Variants in NAXD observed in about 807,000 individuals in gnomAD.
NAXD encodes the protein ATP-dependent (S)-NAD(P)H-hydrate dehydratase.
A neutral mutation model predicts 35.8 loss-of-function variants in NAXD; 22 were observed. The observed-to-expected ratio is 0.62, with a 90% confidence interval of 0.44 to 0.88. NAXD has a LOEUF of 0.88. Among genes scored for constraint, NAXD ranks in the 40% least tolerant of loss-of-function variants. The pLI, the probability that NAXD is intolerant of heterozygous loss-of-function variation, is 0.00. For synonymous variants in NAXD, 189 were observed against 177.6 expected (o/e 1.06, Z -0.51); for missense variants, 428 against 437.7 (o/e 0.98, Z 0.20).
intron 1 of NAXD, among the ~76,000 whole-genome samples, chr13:110,619,693 C>T (rs181446075): frequency 1.3e-5 from 2 of 152,252 alleles, no homozygotes; most frequent in Admixed American, 6.5e-5. Flanking sequence ...CCACTGGGTG[C>T]GTGTACATGC....
intron 5 of NAXD, among the ~76,000 whole-genome samples, chr13:110,633,249 C>T (rs1886787135): frequency 6.6e-6 from 1 of 152,188 alleles, no homozygotes; most frequent in Non-Finnish European, 1.5e-5. Context: ...GGACCCAGTA[C>T]ACCCTCTGCA....
chr13:110,629,102 T>C (rs1330949803), intron 5 of NAXD, among the ~76,000 whole-genome samples: 1 of 152,144 alleles, frequency 6.6e-6, no homozygotes, highest in Non-Finnish European at 1.5e-5. Context: ...TTCCAGCTCG[T>C]GTCTGGTGCG....
In NAXD at chr13:110,638,721, G is replaced by A. The variant is rs1257980189; in HGVS notation, c.*193G>A. On this transcript the variant is annotated 3_prime_UTR_variant, in exon 10 of 10. Coordinates refer to ENST00000680254, the MANE Select transcript of NAXD (RefSeq NM_001242882.2). The surrounding 1 kb of genome is among the most constrained non-coding windows in gnomAD (Gnocchi z 5.4). ...TTTTGGTTAAACTTAATGCATGGTT[G>A]GAGATGTTATGGCGACACTAAACAA... 2.7e-6 allele frequency: 2 copies of A among 729,974 alleles called. No individual in the cohort carries two copies. The highest frequency in any genetic ancestry group is 1.7e-5 in the African/African-American group (1 of 57,816). The allele number at this position is 729,974 out of a possible 1,614,324, so 45.2% of individuals were successfully genotyped here.
At chr13:110,629,100 C>T (rs773420594) in intron 5 of NAXD, among the ~76,000 whole-genome samples, 2 of 152,268 alleles carry the variant, frequency 1.3e-5, no homozygotes, top group East Asian at 1.9e-4. Context: ...GCTTCCAGCT[C>T]GTGTCTGGTG....
In NAXD at chr13:110,638,805, A is replaced by G; in HGVS notation, c.*277A>G. The G allele has an allele frequency of 1.7e-6, 1 of 595,810 alleles. No homozygotes were observed. The highest frequency in any genetic ancestry group is 3.1e-6 in the Non-Finnish European group (1 of 323,424). 36.9% of individuals were successfully genotyped at this position (595,810 alleles called of 1,614,324 possible). ...TAACTGGGAAGACAGAAATGAAGAA[A>G]ATCACATGAGAATGAAGAATTCTTT... is the stretch of plus-strand genomic sequence containing the variant. On this transcript the variant is annotated 3_prime_UTR_variant, in exon 10 of 10. Transcript: ENST00000680254. The surrounding 1 kb of genome is among the most constrained non-coding windows in gnomAD (Gnocchi z 5.4).
chr13:110,622,490 C>T, intron 2 of NAXD, 124 bp downstream of exon 2: 2 of 926,044 alleles, frequency 2.2e-6, no homozygotes, highest in South Asian at 3.6e-5. Context: ...CCTGATAGGA[C>T]ACTCAGTATT....
intron 2 of NAXD, among the ~76,000 whole-genome samples, chr13:110,622,741 C>T (rs1328219549): frequency 2.0e-5 from 3 of 152,206 alleles, no homozygotes; most frequent in Non-Finnish European, 4.4e-5. Context: ...TACTGAAAGT[C>T]ATTTATGAAA....
intron 5 of NAXD, among the ~76,000 whole-genome samples, chr13:110,633,978 G>C (rs1439461899): frequency 1.3e-5 from 2 of 152,198 alleles, no homozygotes; most frequent in Non-Finnish European, 2.9e-5. Context: ...CCTTGCTGGG[G>C]CGGGGGCTGT....
At chr13:110,616,180 TA>T in intron 1 of NAXD, 1 of 189,354 alleles carries the variant, frequency 5.3e-6, no homozygotes, top group Non-Finnish European at 1.1e-5. Context: ...CGGAGCTGGA[TA>T]CGGGGGCCCT....
At chr13:110,627,376 T>C in intron 4 of NAXD, 63 bp from the exon 5 acceptor site, 1 of 1,011,802 alleles carries the variant, frequency 9.9e-7, no homozygotes, top group Non-Finnish European at 1.5e-6. Context: ...TGTAAACAAA[T>C]ACATGACAGT....
intron 9 of NAXD, chr13:110,637,902 T>G: frequency 2.0e-6 from 1 of 494,058 alleles, no homozygotes; most frequent in Non-Finnish European, 4.0e-6. Flanking sequence ...TCCACATGAA[T>G]TTGAGAGCCG....
intron 5 of NAXD, among the ~76,000 whole-genome samples, chr13:110,632,644 C>G (rs1428928591): frequency 6.6e-6 from 1 of 152,086 alleles, no homozygotes; most frequent in Non-Finnish European, 1.5e-5. Context: ...TACAGAGTGT[C>G]GATAGGTGCA....
chr13:110,621,467 G>A (rs532213010), intron 1 of NAXD, among the ~76,000 whole-genome samples: 88 of 149,952 alleles, frequency 5.9e-4, no homozygotes, highest in Middle Eastern at 3.6e-3. Context: ...AGGCTGAGGC[G>A]GGCAGATCAC....
rs1886918782 is a variant in NAXD at position 110,636,223 on chromosome 13, AG to A, written c.718+636del. On this transcript the variant is annotated intron_variant, in intron 8 of 9. Coordinates refer to ENST00000680254, the MANE Select transcript of NAXD (RefSeq NM_001242882.2). ...GAAGCCCCTCCATTCAGGCCTGGACAGATGATGGGCAGCGAATGTGCTCACC... is the reference window on the plus strand; with the variant it reads ...GAAGCCCCTCCATTCAGGCCTGGACAATGATGGGCAGCGAATGTGCTCACC... 5.3e-5 allele frequency among the ~76,000 whole-genome samples: 8 copies of A among 152,372 alleles called. No individual in the cohort carries two copies. In the South Asian group the frequency reaches 1.7e-3, roughly 32 times the overall value.
At chr13:110,630,918 G>A (rs1462861272) in intron 5 of NAXD, among the ~76,000 whole-genome samples, 1 of 152,194 alleles carries the variant, frequency 6.6e-6, no homozygotes, top group Non-Finnish European at 1.5e-5. Context: ...TGTGTAGGAA[G>A]CCTTGACGTC....
At chr13:110,627,289 T>C in intron 4 of NAXD, 150 bp from the exon 5 acceptor site, 1 of 632,460 alleles carries the variant, frequency 1.6e-6, no homozygotes, top group South Asian at 2.1e-5. Context: ...CCTTCTGTAC[T>C]GATTAAATAA....
Position 110,628,833 on chromosome 13 carries a change from G to T in NAXD, c.441+1286G>T, listed in dbSNP as rs575476918. On this transcript the variant is annotated intron_variant, in intron 5 of 9. Coordinates refer to ENST00000680254, the MANE Select transcript of NAXD (RefSeq NM_001242882.2). This position sits in a 1 kb window ranked among gnomAD's most constrained non-coding sequence, Gnocchi z 4.1. Reference sequence around the variant, plus strand: ...TCCTGTCCAGCTCTGCATCCTGGGGGTGCGGATGAATTAGAGGTGAACGAG... The same window carrying T: ...TCCTGTCCAGCTCTGCATCCTGGGGTTGCGGATGAATTAGAGGTGAACGAG... Among the ~76,000 whole-genome samples, 1 of 152,202 alleles carries T rather than the reference G, an allele frequency of 6.6e-6. No individual in the cohort carries two copies. Among genetic ancestry groups the T allele is most frequent in the Non-Finnish European group, 1.5e-5 (1 of 68,032 alleles).
chr13:110,638,612 T>C lies in NAXD; in HGVS notation c.*84T>C. On this transcript the variant is annotated 3_prime_UTR_variant, in exon 10 of 10. Transcript: ENST00000680254. The surrounding 1 kb of genome is among the most constrained non-coding windows in gnomAD (Gnocchi z 5.4). ...GGAAAATCCGGACCCACGCGTGTGC[T>C]GAAGGCGTACGGTGCTTGCCAGATT... 1 of 1,484,506 alleles carries C rather than the reference T, an allele frequency of 6.7e-7. No homozygotes were observed. The allele number at this position is 1,484,506 out of a possible 1,614,324, so 92.0% of individuals were successfully genotyped here. A position where few individuals can be genotyped will look rare whatever the true frequency, so the allele number is the denominator to read the frequency against.
chr13:110,615,647 G>A lies in NAXD; in HGVS notation c.46G>A (p.Val16Ile), dbSNP rs1886017898. The change falls in exon 1 of 10, where the codon GTT becomes ATT. Residue 16 changes from valine (V) to isoleucine (I), a missense_variant and splice_region_variant. Val to Ile is a conservative substitution (Grantham distance 29, BLOSUM62 3). Coordinates refer to ENST00000680254, the MANE Select transcript of NAXD (RefSeq NM_001242882.2). Reference protein sequence around the residue: ...RCGAIRACRRVLERAFSLRKA... With the variant: ...RCGAIRACRRILERAFSLRKA... ...TGGGGCAATCCGGGCTTGCAGACGAGGTAAGGTCGATTCCATTTGGCCCGG... is the reference window on the plus strand; with the variant it reads ...TGGGGCAATCCGGGCTTGCAGACGAAGTAAGGTCGATTCCATTTGGCCCGG... 6.7e-7 allele frequency: 1 copy of A among 1,503,684 alleles called. No homozygotes were observed. The highest frequency in any genetic ancestry group is 8.8e-7 in the Non-Finnish European group (1 of 1,131,838). 93.1% of individuals were successfully genotyped at this position (1,503,684 alleles called of 1,614,324 possible).
Sources: allele counts gnomAD v4.1 joint callset (sites outside exome capture counted in the v4.1 genomes callset), GRCh38; gene constraint gnomAD v4.1.1; non-coding constraint Gnocchi (gnomAD v3.1); transcripts MANE v1.5; gene names NCBI Gene and HGNC (gene_info 2026-07-23, HGNC 2026-07-21).